The following CYFIP1 variants were observed in gnomAD, a reference collection of about 807,000 sequenced individuals.
CYFIP1 encodes cytoplasmic FMR1 interacting protein 1, also known as cytoplasmic FMR1-interacting protein 1.
CYFIP1 carries 58 observed loss-of-function variants against 163.5 expected under a neutral mutation model. The observed-to-expected ratio is 0.35, with a 90% CI of 0.29 to 0.44. The LOEUF (loss-of-function observed/expected upper bound fraction) is 0.44. Among genes scored for constraint, CYFIP1 ranks in the 20% least tolerant of loss-of-function variants. CYFIP1 has a pLI of 1.00. For synonymous variants in CYFIP1, 663 were observed against 660.7 expected, an observed-to-expected ratio of 1.00 and a Z score of -0.05; for missense variants, 1,338 against 1,653.8, an observed-to-expected ratio of 0.81 and a Z score of 3.31.
intron 22 of CYFIP1, among the ~76,000 whole-genome samples, chr15:22,902,836 A>T (rs113658278): frequency 0.013 from 1,981 of 152,288 alleles, 43 homozygotes; most frequent in African/African-American, 0.046. Flanking sequence ...TGAACAGACG[A>T]CAGCCACAGC....
chr15:22,893,651 T>C (rs1475666884), intron 22 of CYFIP1, among the ~76,000 whole-genome samples: 3 of 152,220 alleles, frequency 2.0e-5, no homozygotes, highest in African/African-American at 7.2e-5. Context: ...GTGAAAATAC[T>C]GCTGTCCCAC....
At chr15:22,923,176 G>C (rs1346997909) in intron 13 of CYFIP1, among the ~76,000 whole-genome samples, 1 of 151,900 alleles carries the variant, frequency 6.6e-6, no homozygotes, top group East Asian at 1.9e-4. Flanking sequence ...GAAACTAAAA[G>C]GACAATCATA....
chr15:22,967,404 C>T (rs902208015), intron 1 of CYFIP1, among the ~76,000 whole-genome samples: 1 of 152,212 alleles, frequency 6.6e-6, no homozygotes, highest in African/African-American at 2.4e-5. Context: ...GAGTTCCAAT[C>T]GCACTTTCCA....
intron 1 of CYFIP1, among the ~76,000 whole-genome samples, chr15:22,960,923 A>G (rs1246339433): frequency 6.6e-6 from 1 of 152,228 alleles, no homozygotes; most frequent in Non-Finnish European, 1.5e-5. Flanking sequence ...GGACAGTAGC[A>G]TGGCGCTTCC....
intron 1 of CYFIP1, among the ~76,000 whole-genome samples, chr15:22,959,299 A>G (rs117709067): frequency 0.029 from 4,370 of 152,312 alleles, 104 homozygotes; most frequent in Non-Finnish European, 0.042. Flanking sequence ...AAAAGGCACA[A>G]AGGGAAGAAG....
At chr15:22,964,277 C>CACAT (rs1555424195) in intron 1 of CYFIP1, among the ~76,000 whole-genome samples, 1 of 41,424 alleles carries the variant, frequency 2.4e-5, no homozygotes, top group Non-Finnish European at 4.8e-5. Flanking sequence ...CTCCTCACCA[C>CACAT]ACACACACAC....
At position 22,869,731 on chromosome 15, in the gene CYFIP1, A is replaced by T. The variant is rs935460122; in HGVS notation, c.*297T>A. On this transcript the variant is annotated 3_prime_UTR_variant, in exon 31 of 31. Transcript: ENST00000617928. ...TATTAAGTTTCTTATGGAATGAATG[A>T]ATGAACCCAGCAGCATTTTATGACA... 8.1e-6 allele frequency: 2 copies of T among 248,408 alleles called. No homozygotes were observed. The highest frequency in any genetic ancestry group is 1.5e-5 in the Non-Finnish European group (2 of 132,014). The allele number at this position is 248,408 out of a possible 1,614,324, so 15.4% of individuals were successfully genotyped here. A position where few individuals can be genotyped will look rare whatever the true frequency, so the allele number is the denominator to read the frequency against.
chr15:22,874,509 G>T, intron 28 of CYFIP1, 41 bp downstream of exon 28: 1 of 1,481,006 alleles, frequency 6.8e-7, no homozygotes, highest in African/African-American at 1.4e-5. Flanking sequence ...TGGCATGGAT[G>T]CCCAGCTTGC....
intron 1 of CYFIP1, among the ~76,000 whole-genome samples, chr15:22,960,527 G>A (rs969251246): frequency 6.6e-6 from 1 of 152,194 alleles, no homozygotes; most frequent in Non-Finnish European, 1.5e-5. Flanking sequence ...TTAAAGCTCC[G>A]GGTCTTCACG....
At chr15:22,900,424 A>AGT (rs1221327344) in intron 22 of CYFIP1, among the ~76,000 whole-genome samples, 1 of 139,516 alleles carries the variant, frequency 7.2e-6, no homozygotes. Flanking sequence ...TTTGAGACGG[A>AGT]GTCTCACTCT....
At chr15:22,909,423 C>T in intron 20 of CYFIP1, 110 bp from the exon 21 acceptor site, 2 of 1,395,354 alleles carry the variant, frequency 1.4e-6, no homozygotes, top group South Asian at 2.6e-5. Flanking sequence ...TAACGACACC[C>T]TTTACAACCA....
intron 3 of CYFIP1, 74 bp downstream of exon 3, chr15:22,946,928 TA>T: frequency 7.9e-7 from 1 of 1,270,068 alleles, no homozygotes; most frequent in African/African-American, 1.5e-5. Context: ...ATTGGGATAA[TA>T]CCAAAAAGTA....
chr15:22,960,436 G>A (rs1239101919), intron 1 of CYFIP1, among the ~76,000 whole-genome samples: 4 of 152,192 alleles, frequency 2.6e-5, no homozygotes, highest in African/African-American at 4.8e-5. Context: ...ATAAGCAGGC[G>A]GTGCCACAGA....
intron 25 of CYFIP1, among the ~76,000 whole-genome samples, chr15:22,881,398 A>C (rs1211719013): frequency 6.6e-6 from 1 of 152,036 alleles, no homozygotes; most frequent in Non-Finnish European, 1.5e-5. Flanking sequence ...AAACCAACCC[A>C]CAGCAAGTCA....
chr15:22,871,599 C>A (rs1290162316), intron 30 of CYFIP1, among the ~76,000 whole-genome samples: 2 of 152,158 alleles, frequency 1.3e-5, no homozygotes, highest in East Asian at 3.9e-4. Flanking sequence ...GCAGGTGTGG[C>A]TAAGACTGGA....
intron 22 of CYFIP1, among the ~76,000 whole-genome samples, chr15:22,901,493 C>T (rs529190249): frequency 1.3e-5 from 2 of 152,322 alleles, no homozygotes; most frequent in South Asian, 4.1e-4. Flanking sequence ...AGGTGCGCCC[C>T]GCTGAGGACA....
intron 1 of CYFIP1, among the ~76,000 whole-genome samples, chr15:22,960,448 C>T (rs2062636810): frequency 6.6e-6 from 1 of 152,238 alleles, no homozygotes; most frequent in South Asian, 2.1e-4. Flanking sequence ...TGCCACAGAA[C>T]ATCCCCAGTG....
rs185676424 is a variant in CYFIP1, at chr15:22,916,351, G to T, written c.1828+126C>A. 9.7e-6 allele frequency: 7 copies of T among 718,760 alleles called. No individual in the cohort carries two copies. The East Asian group carries it at 1.8e-4, about 18-fold the overall frequency. The allele number at this position is 718,760 out of a possible 1,614,324, so 44.5% of individuals were successfully genotyped here. On this transcript the variant is annotated intron_variant, in intron 16 of 30. Coordinates refer to ENST00000617928, the MANE Select transcript of CYFIP1 (RefSeq NM_014608.6). ...GTACAGCCACCGCCACAGAGGGCAG[G>T]ACGAGTCACCGTCTGGGTGCACCAA...
At position 22,955,038 on chromosome 15, in the gene CYFIP1, G is replaced by C. The variant is rs928778920; in HGVS notation, c.-6-7747C>G. On this transcript the variant is annotated intron_variant, in intron 1 of 30. Transcript: ENST00000617928. ...GCACACCTCACTCACCTGCTGGATC[G>C]TGGAACCCCAGATGGGCTTCAAGGG... Among the ~76,000 whole-genome samples the C allele has an allele frequency of 2.6e-5, 4 of 152,312 alleles. No individual in the cohort carries two copies. The South Asian group carries it at 8.3e-4, about 32-fold the overall frequency.
Sources: allele counts gnomAD v4.1 joint callset (sites outside exome capture counted in the v4.1 genomes callset), GRCh38; gene constraint gnomAD v4.1.1; transcripts MANE v1.5; gene names NCBI Gene and HGNC (gene_info 2026-07-23, HGNC 2026-07-21).